Variants in NMBR observed in about 807,000 individuals in gnomAD.
NMBR encodes the protein neuromedin B receptor.
NMBR carries 16 observed loss-of-function variants against 20.5 expected under a neutral mutation model. That is an observed-to-expected ratio of 0.78 (90% confidence interval 0.53 to 1.19). The LOEUF (loss-of-function observed/expected upper bound fraction) is 1.19, where lower values mean the gene tolerates loss of function less well. Ranked by LOEUF, NMBR falls within the 50% of genes most tolerant of loss-of-function variation. The pLI is 0.00. For missense variants in NMBR, 582 were observed against 499.1 expected, an observed-to-expected ratio of 1.17 and a Z score of -1.58; for synonymous variants, 212 against 196.6, an observed-to-expected ratio of 1.08 and a Z score of -0.65.
intron 2 of NMBR, among the ~76,000 whole-genome samples, chr6:142,080,529 C>T (rs1364585688): frequency 1.3e-5 from 2 of 151,990 alleles, no homozygotes; most frequent in African/African-American, 4.8e-5. Context: ...AGGCTGGTCT[C>T]ATACTCCTCC....
intron 2 of NMBR, among the ~76,000 whole-genome samples, chr6:142,083,881 G>C (rs538566630): frequency 2.6e-5 from 4 of 152,214 alleles, no homozygotes; most frequent in Admixed American, 2.6e-4. Context: ...ATACAAAGCT[G>C]AACAAAAATA....
At chr6:142,131,885 T>A (rs1778149330) in intron 1 of NMBR, among the ~76,000 whole-genome samples, 1 of 152,224 alleles carries the variant, frequency 6.6e-6, no homozygotes, top group African/African-American at 2.4e-5. Flanking sequence ...CATTCACTAC[T>A]GTACAATGGT....
chr6:142,103,168 C>A (rs138449776), intron 1 of NMBR, among the ~76,000 whole-genome samples: 1,622 of 152,202 alleles, frequency 0.011, 22 homozygotes, highest in Middle Eastern at 0.037. Context: ...TCTGAGAAGA[C>A]CATGGAGTCT....
intron 1 of NMBR, among the ~76,000 whole-genome samples, chr6:142,105,172 G>A (rs957986581): frequency 6.6e-6 from 1 of 152,090 alleles, no homozygotes; most frequent in South Asian, 2.1e-4. Flanking sequence ...AAGTCAGTTG[G>A]TCAGTTAGGG....
intron 1 of NMBR, among the ~76,000 whole-genome samples, chr6:142,135,929 T>G (rs1309152828): frequency 6.6e-6 from 1 of 152,014 alleles, no homozygotes; most frequent in African/African-American, 2.4e-5. Flanking sequence ...AAGTCTTTGC[T>G]ATTGTGAATA....
At chr6:142,115,488 A>G (rs1204641442) in intron 1 of NMBR, among the ~76,000 whole-genome samples, 2 of 152,102 alleles carry the variant, frequency 1.3e-5, no homozygotes, top group Non-Finnish European at 2.9e-5. Flanking sequence ...GTCAATGGTC[A>G]TGAAGCTGTG....
At chr6:142,102,807 G>T (rs1012410838) in intron 1 of NMBR, among the ~76,000 whole-genome samples, 5 of 152,126 alleles carry the variant, frequency 3.3e-5, no homozygotes, top group Non-Finnish European at 2.9e-5. Flanking sequence ...TATAAGGCTG[G>T]CTGCAAAATT....
At chr6:142,079,108 A>AAG (rs754275458) in intron 2 of NMBR, among the ~76,000 whole-genome samples, 5 of 112,184 alleles carry the variant, frequency 4.5e-5, no homozygotes, top group Non-Finnish European at 8.7e-5. Context: ...GAGAGAGAGA[A>AAG]AGAAAGAAAG....
At chr6:142,094,639 T>A (rs1226413389) in intron 1 of NMBR, among the ~76,000 whole-genome samples, 1 of 152,196 alleles carries the variant, frequency 6.6e-6, no homozygotes, top group Non-Finnish European at 1.5e-5. Flanking sequence ...TGCGGGCTCT[T>A]TTTTGGTTCC....
chr6:142,133,149 C>T (rs1399253158), intron 1 of NMBR: 1 of 672,120 alleles, frequency 1.5e-6, no homozygotes, highest in Admixed American at 2.2e-5. Context: ...AGGATAACAT[C>T]TCCTGAGACA....
chr6:142,088,571 G>A lies in NMBR; in HGVS notation c.88C>T (p.Leu30=), dbSNP rs113321731. 1.3e-3 allele frequency: 2,084 copies of A among 1,613,756 alleles called. 23 individuals carry two copies. The African/African-American group carries it at 0.025, about 19-fold the overall frequency. The part of the protein sequence containing the change: ...SVPEGWERDF[L]PASDGTTTEL... The stretch of plus-strand genomic sequence containing the variant: ...GTGGTGGTCCCGTCCGAGGCCGGCA[G>A]GAAATCCCTTTCCCACCCCTCGGGA... The change falls in exon 2 of 4, where the codon CTG becomes TTG. Residue 30 remains leucine (L), a synonymous_variant. Coordinates refer to ENST00000258042, the MANE Select transcript of NMBR (RefSeq NM_002511.4).
At chr6:142,093,252 T>A (rs1460547503) in intron 1 of NMBR, among the ~76,000 whole-genome samples, 3 of 150,658 alleles carry the variant, frequency 2.0e-5, no homozygotes. Flanking sequence ...GCTGCACACA[T>A]TAACTCATCA....
intron 2 of NMBR, among the ~76,000 whole-genome samples, chr6:142,087,525 G>T (rs1025541957): frequency 3.3e-5 from 5 of 152,094 alleles, no homozygotes; most frequent in Non-Finnish European, 7.4e-5. Flanking sequence ...AAATGACAGA[G>T]TTGAACTAGT....
At chr6:142,091,467 C>T (rs948096152) in intron 1 of NMBR, among the ~76,000 whole-genome samples, 1 of 152,166 alleles carries the variant, frequency 6.6e-6, no homozygotes, top group African/African-American at 2.4e-5. Flanking sequence ...TCAAGCAATC[C>T]TCTTGCCTCA....
At chr6:142,113,194 T>C (rs1777802458) in intron 1 of NMBR, among the ~76,000 whole-genome samples, 1 of 152,118 alleles carries the variant, frequency 6.6e-6, no homozygotes, top group South Asian at 2.1e-4. Context: ...TTCTACACTA[T>C]ATGATTTAGA....
chr6:142,136,560 A>G (rs1347213090), intron 1 of NMBR, among the ~76,000 whole-genome samples: 1 of 152,140 alleles, frequency 6.6e-6, no homozygotes, highest in African/African-American at 2.4e-5. Flanking sequence ...TTAGACATGA[A>G]GTCCTTGCCC....
At chr6:142,130,955 A>T (rs1053665520) in intron 1 of NMBR, among the ~76,000 whole-genome samples, 1 of 152,154 alleles carries the variant, frequency 6.6e-6, no homozygotes, top group Non-Finnish European at 1.5e-5. Context: ...GACAACAGGC[A>T]ATATTTTTCC....
intron 1 of NMBR, among the ~76,000 whole-genome samples, chr6:142,097,899 TA>T (rs1377338675): frequency 6.6e-6 from 1 of 151,656 alleles, no homozygotes; most frequent in Non-Finnish European, 1.5e-5. Context: ...AAAAAAGTCA[TA>T]AAAATAAACT....
intron 1 of NMBR, among the ~76,000 whole-genome samples, chr6:142,146,624 G>T (rs1562251388): frequency 1.3e-5 from 2 of 151,968 alleles, no homozygotes; most frequent in Non-Finnish European, 2.9e-5. Context: ...AAAAAAAGGT[G>T]ATCTACAGAT....
Sources: gnomAD v4.1 joint callset for allele counts (sites outside exome capture counted in the v4.1 genomes callset) on GRCh38, gnomAD v4.1.1 for gene constraint, MANE v1.5 for transcripts, NCBI Gene and HGNC (gene_info 2026-07-23, HGNC 2026-07-21) for gene names.